The following CFAP418 variants were observed in gnomAD, a reference collection of about 807,000 sequenced individuals.
CFAP418 encodes the protein cilia- and flagella-associated protein 418.
A neutral mutation model predicts 24.7 loss-of-function variants in CFAP418; 27 were observed. That is an observed-to-expected ratio of 1.09 (90% CI 0.81 to 1.51). The LOEUF (loss-of-function observed/expected upper bound fraction) is 1.51, where lower values mean the gene tolerates loss of function less well. Ranked by LOEUF, CFAP418 falls within the 40% of genes most tolerant of loss-of-function variation. CFAP418 has a pLI of 0.00. For missense variants in CFAP418, 257 were observed against 255.2 expected (o/e 1.01, Z -0.05); for synonymous variants, 74 against 87.3 (o/e 0.85, Z 0.85).
intron 5 of CFAP418, among the ~76,000 whole-genome samples, chr8:95,249,654 C>CAGA (rs1811679041): frequency 6.8e-6 from 1 of 147,750 alleles, no homozygotes; most frequent in African/African-American, 2.5e-5. Context: ...AAGATTGGCT[C>CAGA]AGAAAAAAAA....
chr8:95,266,983 G>T (rs917152210), intron 1 of CFAP418, among the ~76,000 whole-genome samples: 14 of 152,122 alleles, frequency 9.2e-5, no homozygotes, highest in Non-Finnish European at 1.8e-4. Flanking sequence ...GCTCTGAAAA[G>T]CTCCTTGATA....
At chr8:95,258,771 G>T (rs1020013542) in intron 4 of CFAP418, among the ~76,000 whole-genome samples, 2 of 152,094 alleles carry the variant, frequency 1.3e-5, no homozygotes, top group Non-Finnish European at 2.9e-5. Context: ...ATGTATTTTT[G>T]CTGTACCTTT....
At chr8:95,263,922 C>G in intron 1 of CFAP418, 148 bp from the exon 2 acceptor site, 1 of 564,466 alleles carries the variant, frequency 1.8e-6, no homozygotes, top group East Asian at 2.9e-5. Flanking sequence ...TGGATATAGT[C>G]TAAGTTTGTT....
At chr8:95,263,392 G>A (rs1811925000) in intron 2 of CFAP418, among the ~76,000 whole-genome samples, 1 of 152,122 alleles carries the variant, frequency 6.6e-6, no homozygotes, top group Admixed American at 6.6e-5. Flanking sequence ...TTAGAAAAGT[G>A]TCCTTAGATA....
rs368464293 is a variant in CFAP418 at position 95,266,903 on chromosome 8, C to T, written c.155+2132G>A. Among the ~76,000 whole-genome samples the T allele has an allele frequency of 1.1e-3, 165 of 152,320 alleles. 3 individuals carry two copies. The South Asian group carries it at 0.033, about 30-fold the overall frequency. On this transcript the variant is annotated intron_variant, in intron 1 of 5. Transcript: ENST00000286688. The stretch of plus-strand genomic sequence containing the variant: ...GTTGGAGAAGATCCACATAAATAGT[C>T]CTTTCCATTTTGAGCAGCTGGCTTC...
intron 2 of CFAP418, among the ~76,000 whole-genome samples, chr8:95,263,401 T>A (rs1811925123): frequency 6.6e-6 from 1 of 152,186 alleles, no homozygotes; most frequent in South Asian, 2.1e-4. Context: ...TGTCCTTAGA[T>A]ACTACAAATA....
intron 4 of CFAP418, among the ~76,000 whole-genome samples, chr8:95,258,612 C>T (rs376481286): frequency 9.0e-4 from 137 of 152,186 alleles, no homozygotes; most frequent in South Asian, 5.2e-3. Context: ...GCCTAAGCTA[C>T]AGTGTTTATA....
At chr8:95,264,555 T>G (rs1811944445) in intron 1 of CFAP418, among the ~76,000 whole-genome samples, 1 of 152,208 alleles carries the variant, frequency 6.6e-6, no homozygotes, top group Non-Finnish European at 1.5e-5. Flanking sequence ...GGCTTGGAAT[T>G]GAATCTAGGG....
rs144775884 is a variant in CFAP418, at chr8:95,251,837, C to G, written c.470+351G>C. On this transcript the variant is annotated intron_variant, in intron 5 of 5. Coordinates refer to ENST00000286688, the MANE Select transcript of CFAP418 (RefSeq NM_177965.4). Reference sequence around the variant, plus strand: ...CTAGATGGTATAGCCTACCACACACCTAGGCTATATGGTATAGGCTACTGT... The same window carrying G: ...CTAGATGGTATAGCCTACCACACACGTAGGCTATATGGTATAGGCTACTGT... Among the ~76,000 whole-genome samples the G allele has an allele frequency of 9.9e-5, 15 of 152,212 alleles. No individual in the cohort carries two copies. The East Asian group carries it at 1.7e-3, about 18-fold the overall frequency.
chr8:95,264,983 C>T (rs1181463568), intron 1 of CFAP418, among the ~76,000 whole-genome samples: 3 of 152,224 alleles, frequency 2.0e-5, no homozygotes, highest in Non-Finnish European at 4.4e-5. Flanking sequence ...CCCTTTCTTA[C>T]TCACTACTGA....
In CFAP418 at chr8:95,245,543, A is replaced by G. The variant is rs1811604212; in HGVS notation, c.*2074T>C. ...ATCACGAGTTCAGGAGATCGACATC[A>G]TTCTGGCCAACATGGTGAAACCCTG... is the stretch of plus-strand genomic sequence containing the variant. On this transcript the variant is annotated 3_prime_UTR_variant, in exon 6 of 6. Transcript: ENST00000286688. 6.6e-6 allele frequency: 1 copy of G among 152,274 alleles called. No homozygotes were observed. Among genetic ancestry groups the G allele is most frequent in the Non-Finnish European group, 1.5e-5 (1 of 68,022 alleles). 9.4% of individuals were successfully genotyped at this position (152,274 alleles called of 1,614,324 possible).
chr8:95,248,468 T>C (rs1225322307), intron 5 of CFAP418, among the ~76,000 whole-genome samples: 1 of 152,188 alleles, frequency 6.6e-6, no homozygotes, highest in Non-Finnish European at 1.5e-5. Flanking sequence ...GGCATAAAGA[T>C]CATAGGTTTC....
chr8:95,257,330 C>T (rs181381422), intron 4 of CFAP418, among the ~76,000 whole-genome samples: 28 of 152,270 alleles, frequency 1.8e-4, no homozygotes, highest in Non-Finnish European at 3.8e-4. Flanking sequence ...ACTATTAATT[C>T]TTCTTTATAG....
intron 2 of CFAP418, among the ~76,000 whole-genome samples, chr8:95,261,665 G>A (rs1436707658): frequency 6.6e-6 from 1 of 151,896 alleles, no homozygotes; most frequent in African/African-American, 2.4e-5. Flanking sequence ...CTCCTTTGAA[G>A]GTTGGAAAAC....
chr8:95,254,686 T>C (rs1198266502), intron 4 of CFAP418, among the ~76,000 whole-genome samples: 1 of 152,194 alleles, frequency 6.6e-6, no homozygotes, highest in Non-Finnish European at 1.5e-5. Flanking sequence ...CTCTGTTAAA[T>C]CCTATCAGAT....
intron 4 of CFAP418, among the ~76,000 whole-genome samples, chr8:95,257,118 A>G (rs1169610887): frequency 6.6e-6 from 1 of 152,204 alleles, no homozygotes; most frequent in Non-Finnish European, 1.5e-5. Context: ...GTGGATGATA[A>G]CTGGGAAACT....
Position 95,247,350 on chromosome 8 carries a change from C to A in CFAP418, c.*267G>T. On this transcript the variant is annotated 3_prime_UTR_variant, in exon 6 of 6. Coordinates refer to ENST00000286688, the MANE Select transcript of CFAP418 (RefSeq NM_177965.4). ...TTTGTATGGAACTCCATAATCAAAC[C>A]TCTATTAAACAGAAGACAGATTAGT... 2 of 409,602 alleles carry A rather than the reference C, an allele frequency of 4.9e-6. No individual in the cohort carries two copies. Among genetic ancestry groups the A allele is most frequent in the South Asian group, 3.8e-5 (1 of 26,328 alleles). The allele number at this position is 409,602 out of a possible 1,614,324, so 25.4% of individuals were successfully genotyped here.
Position 95,245,808 on chromosome 8 carries a change from G to A in CFAP418, c.*1809C>T, listed in dbSNP as rs1275674426. ...TTACTGGAATAAAAAAGAAAGAATT[G>A]CACCATTATGAATAATGTGTCAAAT... On this transcript the variant is annotated 3_prime_UTR_variant, in exon 6 of 6. Transcript: ENST00000286688. The A allele has an allele frequency of 6.6e-6, 1 of 152,010 alleles. No individual in the cohort carries two copies. The highest frequency in any genetic ancestry group is 1.5e-5 in the Non-Finnish European group (1 of 68,014). The allele number at this position is 152,010 out of a possible 1,614,324, so 9.4% of individuals were successfully genotyped here.
At chr8:95,266,946 C>T (rs962445912) in intron 1 of CFAP418, among the ~76,000 whole-genome samples, 2 of 152,162 alleles carry the variant, frequency 1.3e-5, no homozygotes, top group Non-Finnish European at 2.9e-5. Flanking sequence ...CCTGCCCCTC[C>T]GCATGCTAGT....
Sources: allele counts gnomAD v4.1 joint callset (sites outside exome capture counted in the v4.1 genomes callset), GRCh38; gene constraint gnomAD v4.1.1; transcripts MANE v1.5; gene names NCBI Gene and HGNC (gene_info 2026-07-23, HGNC 2026-07-21).